The following SEMA4D variants were observed in gnomAD, a reference collection of about 807,000 sequenced individuals.
SEMA4D encodes the protein semaphorin-4D.
In SEMA4D, 22 loss-of-function variants were observed where a neutral mutation model predicts 74.8. That is an observed-to-expected ratio of 0.29 (90% CI 0.21 to 0.42). The LOEUF (loss-of-function observed/expected upper bound fraction) is 0.42. Among genes scored for constraint, SEMA4D ranks in the 10% least tolerant of loss-of-function variants. SEMA4D has a pLI of 1.00. For missense variants in SEMA4D, 937 were observed against 1,118.4 expected, an observed-to-expected ratio of 0.84 and a Z score of 2.31; for synonymous variants, 445 against 463.7, an observed-to-expected ratio of 0.96 and a Z score of 0.52.
intron 1 of SEMA4D, among the ~76,000 whole-genome samples, chr9:89,473,874 CAA>C (rs935771705): frequency 1.3e-5 from 2 of 151,414 alleles, no homozygotes; most frequent in East Asian, 3.9e-4. Context: ...ACAAAACAAA[CAA>C]AAAAACAAAA....
chr9:89,472,039 T>C (rs1184079182), intron 1 of SEMA4D, among the ~76,000 whole-genome samples: 3 of 152,188 alleles, frequency 2.0e-5, no homozygotes, highest in Non-Finnish European at 4.4e-5. Context: ...CCAGCTCGGG[T>C]GCATGCCCGC....
chr9:89,441,131 T>A (rs1311663611), intron 2 of SEMA4D, among the ~76,000 whole-genome samples: 1 of 152,206 alleles, frequency 6.6e-6, no homozygotes, highest in East Asian at 1.9e-4. Flanking sequence ...TCCACTGATC[T>A]TAAAGTCTTA....
intron 18 of SEMA4D, chr9:89,363,366 G>A: frequency 6.3e-7 from 1 of 1,595,298 alleles, no homozygotes; most frequent in Non-Finnish European, 8.5e-7. Flanking sequence ...AGATCCACTG[G>A]ATGTGGCAGG....
At chr9:89,385,432 G>GC in intron 13 of SEMA4D, 6 of 985,394 alleles carry the variant, frequency 6.1e-6, no homozygotes, top group Non-Finnish European at 7.2e-6. Context: ...CTGGGGTGAG[G>GC]CCCCACAGTG....
intron 1 of SEMA4D, among the ~76,000 whole-genome samples, chr9:89,458,362 T>C (rs1170616990): frequency 6.6e-6 from 1 of 152,130 alleles, no homozygotes; most frequent in Non-Finnish European, 1.5e-5. Flanking sequence ...GTTGCCCACA[T>C]AGCACCGCCC....
At position 89,450,831 on chromosome 9, in the gene SEMA4D, T is replaced by C. The variant is rs1273363011; in HGVS notation, c.-244+5057A>G. Reference sequence around the variant, plus strand: ...ACACCCTAGACTCTGTGAAGTGCAGTTCTTCTCCACCTAGGACTGCCAGCA... The same window carrying C: ...ACACCCTAGACTCTGTGAAGTGCAGCTCTTCTCCACCTAGGACTGCCAGCA... On this transcript the variant is annotated intron_variant, in intron 2 of 15. Coordinates refer to ENST00000422704, the MANE Select transcript of SEMA4D (RefSeq NM_001371194.2). 6 of 674,878 alleles carry C rather than the reference T, an allele frequency of 8.9e-6. No homozygotes were observed. In the African/African-American group the frequency reaches 1.1e-4, roughly 12 times the overall value. The allele number at this position is 674,878 out of a possible 1,614,324, so 41.8% of individuals were successfully genotyped here. A position where few individuals can be genotyped will look rare whatever the true frequency, so the allele number is the denominator to read the frequency against.
chr9:89,428,911 G>GC (rs909866493), intron 2 of SEMA4D, among the ~76,000 whole-genome samples: 7 of 152,208 alleles, frequency 4.6e-5, no homozygotes, highest in Non-Finnish European at 8.8e-5. Context: ...GTCCCTCAGG[G>GC]CCCCTGGACC....
At chr9:89,467,907 C>T (rs1859169904) in intron 1 of SEMA4D, among the ~76,000 whole-genome samples, 1 of 152,218 alleles carries the variant, frequency 6.6e-6, no homozygotes, top group South Asian at 2.1e-4. Flanking sequence ...GTCCCACAGC[C>T]TCAGGCTTGG....
intron 1 of SEMA4D, among the ~76,000 whole-genome samples, chr9:89,456,920 C>A (rs1588035333): frequency 6.6e-6 from 1 of 152,084 alleles, no homozygotes; most frequent in African/African-American, 2.4e-5. Context: ...TCAGAAGTAG[C>A]GGAAGGCTTA....
intron 2 of SEMA4D, among the ~76,000 whole-genome samples, chr9:89,438,434 G>A (rs1437582177): frequency 6.6e-6 from 1 of 152,210 alleles, no homozygotes; most frequent in African/African-American, 2.4e-5. Flanking sequence ...TTCACCGCGG[G>A]AGCCTGGTGA....
intron 1 of SEMA4D, among the ~76,000 whole-genome samples, chr9:89,474,350 C>T (rs1016218402): frequency 6.8e-6 from 1 of 147,154 alleles, no homozygotes; most frequent in African/African-American, 2.5e-5. Context: ...CACCAGCATT[C>T]GAATCCAAAT....
At chr9:89,493,179 G>A (rs1243877018) in intron 1 of SEMA4D, among the ~76,000 whole-genome samples, 1 of 152,194 alleles carries the variant, frequency 6.6e-6, no homozygotes, top group Non-Finnish European at 1.5e-5. Flanking sequence ...ACCCACCAGG[G>A]ACCAAACGTG....
intron 4 of SEMA4D, 124 bp from the exon 5 acceptor site, chr9:89,399,462 T>C: frequency 1.4e-6 from 1 of 737,604 alleles, no homozygotes; most frequent in Non-Finnish European, 2.3e-6. Flanking sequence ...TGATCAATTC[T>C]CAGACTGCAA....
At chr9:89,415,006 G>A (rs1200911724) in intron 2 of SEMA4D, among the ~76,000 whole-genome samples, 1 of 152,190 alleles carries the variant, frequency 6.6e-6, no homozygotes, top group African/African-American at 2.4e-5. Context: ...CAGCAATGTC[G>A]GCAGGACAAG....
rs140258883 is a variant in SEMA4D at position 89,466,818 on chromosome 9, C to T, written c.-309-10865G>A. On this transcript the variant is annotated intron_variant, in intron 1 of 15. Coordinates refer to ENST00000422704, the MANE Select transcript of SEMA4D (RefSeq NM_001371194.2). ...AGCATTCACCTCGGAGTGCACATGA[C>T]GATGACCAATACGAGCCTGATGTCA... Among the ~76,000 whole-genome samples, 418 of 152,302 alleles carry T rather than the reference C, an allele frequency of 2.7e-3. 1 individual carries two copies. The highest frequency in any genetic ancestry group is 9.6e-3 in the African/African-American group (400 of 41,548).
intron 2 of SEMA4D, among the ~76,000 whole-genome samples, chr9:89,433,524 C>T (rs1363464443): frequency 6.6e-6 from 1 of 152,216 alleles, no homozygotes; most frequent in African/African-American, 2.4e-5. Context: ...TCTGAGCCCA[C>T]GGTATGTGTC....
At chr9:89,421,031 A>G (rs542126650) in intron 2 of SEMA4D, among the ~76,000 whole-genome samples, 1 of 152,356 alleles carries the variant, frequency 6.6e-6, no homozygotes, top group East Asian at 1.9e-4. Context: ...TGCAGCTATT[A>G]GCACATCTAA....
chr9:89,473,040 A>G (rs1181380665), intron 1 of SEMA4D, among the ~76,000 whole-genome samples: 1 of 151,954 alleles, frequency 6.6e-6, no homozygotes, highest in Non-Finnish European at 1.5e-5. Flanking sequence ...AAGTTGCAGT[A>G]AGCCAACACT....
chr9:89,447,267 G>A (rs975673423), intron 2 of SEMA4D, among the ~76,000 whole-genome samples: 8 of 151,906 alleles, frequency 5.3e-5, no homozygotes, highest in Admixed American at 1.3e-4. Context: ...CCATATCCCC[G>A]GCTCCAGTCA....
Sources: gnomAD v4.1 joint callset for allele counts (sites outside exome capture counted in the v4.1 genomes callset) on GRCh38, gnomAD v4.1.1 for gene constraint, MANE v1.5 for transcripts, NCBI Gene and HGNC (gene_info 2026-07-23, HGNC 2026-07-21) for gene names.